The following GRK3 variants were observed in gnomAD, a reference collection of about 807,000 sequenced individuals.
The protein encoded by GRK3 is adrenergic, beta, receptor kinase 2.
GRK3 carries 54 observed loss-of-function variants against 95.7 expected under a neutral mutation model. That is an observed-to-expected ratio of 0.56 (90% CI 0.45 to 0.71). The LOEUF is 0.71. Ranked by LOEUF, GRK3 falls within the 30% of genes least tolerant of loss-of-function variation. GRK3 has a pLI of 0.00. For missense variants in GRK3, 649 were observed against 851.2 expected (o/e 0.76, Z 2.96); for synonymous variants, 281 against 290.8 (o/e 0.97, Z 0.34).
intron 9 of GRK3, among the ~76,000 whole-genome samples, chr22:25,679,405 A>G (rs1332172193): frequency 1.3e-5 from 2 of 152,004 alleles, no homozygotes; most frequent in Non-Finnish European, 2.9e-5. Context: ...ACTACCTGCT[A>G]CTCTGTTTAT....
chr22:25,624,750 T>G (rs554059940), intron 2 of GRK3, among the ~76,000 whole-genome samples: 44 of 152,308 alleles, frequency 2.9e-4, no homozygotes, highest in African/African-American at 1.0e-3. Flanking sequence ...GACGCTATTT[T>G]CTCTTTGTAA....
At position 25,690,199 on chromosome 22, in the gene GRK3, T is replaced by C; in HGVS notation, c.968T>C (p.Ile323Thr). The C allele has an allele frequency of 6.2e-7, 1 of 1,613,652 alleles. No individual in the cohort carries two copies. Residue 323 changes from isoleucine (I) to threonine (T), a missense_variant, in exon 12 of 21, where the codon ATT becomes ACT. Physicochemically the swap from Ile to Thr is moderately conservative, Grantham distance 89. Coordinates refer to ENST00000324198, the MANE Select transcript of GRK3 (RefSeq NM_005160.4). Reference sequence around the variant, plus strand: ...TCTCTTTCTGTTTAGCCAGCAAATATTCTCTTGGATGAACATGGACACGCA... The same window carrying C: ...TCTCTTTCTGTTTAGCCAGCAAATACTCTCTTGGATGAACATGGACACGCA... The part of the protein sequence containing the change: ...VVYRDLKPAN[I>T]LLDEHGHARI...
At chr22:25,610,943 C>G (rs902467497) in intron 2 of GRK3, among the ~76,000 whole-genome samples, 1 of 152,096 alleles carries the variant, frequency 6.6e-6, no homozygotes, top group African/African-American at 2.4e-5. Flanking sequence ...TTCACTGCAA[C>G]CTCCGCCTCC....
intron 1 of GRK3, among the ~76,000 whole-genome samples, chr22:25,585,081 G>A (rs2146322325): frequency 1.3e-5 from 2 of 152,398 alleles, no homozygotes; most frequent in Middle Eastern, 6.8e-3. Flanking sequence ...AGGGGACTGG[G>A]TTTTGCAGCC....
At chr22:25,611,863 C>T (rs2084500066) in intron 2 of GRK3, among the ~76,000 whole-genome samples, 1 of 132,520 alleles carries the variant, frequency 7.5e-6, no homozygotes, top group Non-Finnish European at 1.6e-5. Flanking sequence ...GATGGAGTCT[C>T]ACTCTGTCAC....
intron 1 of GRK3, among the ~76,000 whole-genome samples, chr22:25,594,951 G>A (rs1263578349): frequency 3.3e-5 from 5 of 151,816 alleles, no homozygotes; most frequent in Non-Finnish European, 5.9e-5. Flanking sequence ...CGTGGAAAAA[G>A]CTTTCAATAA....
At chr22:25,586,048 C>A (rs1466864728) in intron 1 of GRK3, among the ~76,000 whole-genome samples, 1 of 152,214 alleles carries the variant, frequency 6.6e-6, no homozygotes, top group Non-Finnish European at 1.5e-5. Flanking sequence ...TACTTCCAGA[C>A]CCATAACAGA....
At chr22:25,578,605 C>T (rs1931991930) in intron 1 of GRK3, among the ~76,000 whole-genome samples, 2 of 152,034 alleles carry the variant, frequency 1.3e-5, no homozygotes, top group African/African-American at 4.8e-5. Flanking sequence ...GTGTTACCGC[C>T]AGGGAGGCGG....
chr22:25,681,563 G>A (rs2085074541), intron 9 of GRK3, among the ~76,000 whole-genome samples: 1 of 151,914 alleles, frequency 6.6e-6, no homozygotes, highest in Non-Finnish European at 1.5e-5. Context: ...ACCGTGAAGG[G>A]CATCGCCGGC....
intron 1 of GRK3, among the ~76,000 whole-genome samples, chr22:25,582,575 C>A (rs1213074252): frequency 2.6e-5 from 4 of 151,972 alleles, no homozygotes. Flanking sequence ...CAAAAATAAC[C>A]AATATAATTT....
chr22:25,596,010 T>C (rs2084370027), intron 1 of GRK3, among the ~76,000 whole-genome samples: 1 of 152,162 alleles, frequency 6.6e-6, no homozygotes, highest in African/African-American at 2.4e-5. Flanking sequence ...ATGTTCTACT[T>C]CAAGGAAGAT....
At chr22:25,632,909 T>A (rs2084673951) in intron 2 of GRK3, among the ~76,000 whole-genome samples, 1 of 152,054 alleles carries the variant, frequency 6.6e-6, no homozygotes, top group Admixed American at 6.6e-5. Flanking sequence ...TAATATATCC[T>A]TTTTGTTTTT....
In GRK3 at chr22:25,672,374, T is replaced by A. The variant is rs2084990251; in HGVS notation, c.555+27T>A. 8 of 1,264,840 alleles carry A rather than the reference T, an allele frequency of 6.3e-6. No homozygotes were observed. In the South Asian group the frequency reaches 8.1e-5, roughly 13 times the overall value. 78.4% of individuals were successfully genotyped at this position (1,264,840 alleles called of 1,614,324 possible). On this transcript the variant is annotated intron_variant, in intron 7 of 20. Transcript: ENST00000324198. ...TGAGTATCATCTTTTTCTTTTTTCA[T>A]TTTTTAAATAAAAACTTCCTCTGGC...
At chr22:25,707,139 C>T (rs949116317) in intron 15 of GRK3, among the ~76,000 whole-genome samples, 1 of 152,166 alleles carries the variant, frequency 6.6e-6, no homozygotes, top group Non-Finnish European at 1.5e-5. Flanking sequence ...GGGTTTATAT[C>T]TCTGTGTTCC....
intron 9 of GRK3, among the ~76,000 whole-genome samples, chr22:25,683,775 T>C (rs1041714854): frequency 3.3e-5 from 5 of 152,196 alleles, no homozygotes; most frequent in African/African-American, 1.2e-4. Context: ...ATATGAGTCC[T>C]TTGTGTATTT....
At chr22:25,589,926 A>T (rs1327603382) in intron 1 of GRK3, among the ~76,000 whole-genome samples, 2 of 152,136 alleles carry the variant, frequency 1.3e-5, no homozygotes, top group East Asian at 3.8e-4. Context: ...AAACCATCAG[A>T]TCTCGTGAGA....
intron 3 of GRK3, among the ~76,000 whole-genome samples, chr22:25,653,608 G>A (rs988451786): frequency 2.9e-4 from 44 of 152,194 alleles, no homozygotes; most frequent in African/African-American, 9.9e-4. Context: ...CAAAAAATTA[G>A]TAAGGATATA....
At chr22:25,571,534 A>G (rs1931699407) in intron 1 of GRK3, among the ~76,000 whole-genome samples, 1 of 152,160 alleles carries the variant, frequency 6.6e-6, no homozygotes, top group Non-Finnish European at 1.5e-5. Context: ...ATGATTAAAA[A>G]CACTTATACT....
chr22:25,722,615 A>G lies in GRK3; in HGVS notation c.*165A>G. 1.7e-6 allele frequency: 1 copy of G among 595,324 alleles called. No individual in the cohort carries two copies. Among genetic ancestry groups the G allele is most frequent in the Non-Finnish European group, 2.9e-6 (1 of 350,048 alleles). The allele number at this position is 595,324 out of a possible 1,614,324, so 36.9% of individuals were successfully genotyped here. ...GGTCAGCTCAGCTCCCTGCCTTGTC[A>G]CATTTGTCTGCATTAGAAACTACTG... is the stretch of plus-strand genomic sequence containing the variant. On this transcript the variant is annotated 3_prime_UTR_variant, in exon 21 of 21. Transcript: ENST00000324198.
Sources: gnomAD v4.1 joint callset for allele counts (sites outside exome capture counted in the v4.1 genomes callset) on GRCh38, gnomAD v4.1.1 for gene constraint, MANE v1.5 for transcripts, NCBI Gene and HGNC (gene_info 2026-07-23, HGNC 2026-07-21) for gene names.